The following PTPRN2 variants were observed in gnomAD, a reference collection of about 807,000 sequenced individuals.
PTPRN2 encodes the protein receptor-type tyrosine-protein phosphatase N2.
PTPRN2 carries 74 observed loss-of-function variants against 118.8 expected under a neutral mutation model. The ratio of observed to expected loss-of-function variants is 0.62; its 90% CI spans 0.52 to 0.76. The LOEUF is 0.76. Among genes scored for constraint, PTPRN2 ranks in the 30% least tolerant of loss-of-function variants. The pLI is 0.00. For missense variants in PTPRN2, 1,481 were observed against 1,394.4 expected, an observed-to-expected ratio of 1.06 and a Z score of -0.99; for synonymous variants, 641 against 608.0, an observed-to-expected ratio of 1.05 and a Z score of -0.80.
chr7:157,656,488 G>A lies in PTPRN2; in HGVS notation c.2065C>T (p.Arg689Cys), dbSNP rs770942637. The A allele has an allele frequency of 6.4e-6, 10 of 1,554,810 alleles. No individual in the cohort carries two copies. Among genetic ancestry groups the A allele is most frequent in the South Asian group, 2.4e-5 (2 of 84,844 alleles). ...AACTGGGATGAGACGCTGCTGATGC[G>A]TGACGTGTGCGGGCCCTCAGGTCGG... ...PDRPEGPHTS[R>C]ISSVSSQFSD... is the part of the protein sequence containing the mutation. Residue 689 changes from arginine to cysteine, a missense_variant, in exon 14 of 23, where the codon CGC (arginine) becomes TGC (cysteine). By Grantham distance (180) the Arg-to-Cys change is radical. Transcript: ENST00000389418.
In PTPRN2 at chr7:157,615,755, G is replaced by A. The variant is rs866922856; in HGVS notation, c.2344+5607C>T. 7.0e-5 allele frequency: 27 copies of A among 386,470 alleles called. No individual in the cohort carries two copies. The highest frequency in any genetic ancestry group is 5.2e-4 in the Admixed American group (18 of 34,934). The allele number at this position is 386,470 out of a possible 1,614,324, so 23.9% of individuals were successfully genotyped here. On this transcript the variant is annotated intron_variant, in intron 15 of 22. Coordinates refer to ENST00000389418, the MANE Select transcript of PTPRN2 (RefSeq NM_002847.5). The surrounding 1 kb of genome is among the most constrained non-coding windows in gnomAD (Gnocchi z 4.3). ...GAACCACAAGCTCTGGAGGCTGAAC[G>A]AGAATCGGTTACAGGAGATGAACAC...
At chr7:157,901,809 C>T (rs189242191) in intron 11 of PTPRN2, among the ~76,000 whole-genome samples, 7 of 100,486 alleles carry the variant, frequency 7.0e-5, no homozygotes, top group East Asian at 9.3e-4. Flanking sequence ...GGTCCTGAGG[C>T]GGGGCCTCCC....
chr7:157,677,472 C>A (rs1796724437), intron 13 of PTPRN2, among the ~76,000 whole-genome samples: 1 of 152,158 alleles, frequency 6.6e-6, no homozygotes, highest in East Asian at 1.9e-4. Context: ...CTCTCAGGAG[C>A]TGTATCTGAG....
rs1227271758 is a variant in PTPRN2 at position 157,974,407 on chromosome 7, T to C, written c.1724-75670A>G. Among the ~76,000 whole-genome samples, 2 of 152,190 alleles carry C rather than the reference T, an allele frequency of 1.3e-5. No homozygotes were observed. Among genetic ancestry groups the C allele is most frequent in the Admixed American group, 6.5e-5 (1 of 15,284 alleles). ...CCTGCCCTTGATTCCCTGTGGCACC[T>C]TGGGAGCATGGGGCTGCCCTACTGT... On this transcript the variant is annotated intron_variant, in intron 11 of 22. Transcript: ENST00000389418. This position sits in a 1 kb window ranked among gnomAD's most constrained non-coding sequence, Gnocchi z 4.0.
chr7:157,706,721 G>A (rs1798351285), intron 12 of PTPRN2, among the ~76,000 whole-genome samples: 2 of 151,632 alleles, frequency 1.3e-5, no homozygotes, highest in South Asian at 2.1e-4. Context: ...AGAATGCTGG[G>A]AATTGAGTGA....
chr7:158,530,192 C>G (rs1199834472), intron 1 of PTPRN2, among the ~76,000 whole-genome samples: 1 of 152,078 alleles, frequency 6.6e-6, no homozygotes, highest in Non-Finnish European at 1.5e-5. Context: ...CAAAGCCTGT[C>G]GATCCAAAAT....
intron 10 of PTPRN2, among the ~76,000 whole-genome samples, chr7:158,109,737 C>A (rs1816051831): frequency 6.6e-6 from 1 of 151,676 alleles, no homozygotes; most frequent in Admixed American, 6.6e-5. Flanking sequence ...TGTGATGAGT[C>A]ACTGAGTGAA....
At chr7:158,259,374 C>T (rs571299689) in intron 3 of PTPRN2, among the ~76,000 whole-genome samples, 21 of 152,244 alleles carry the variant, frequency 1.4e-4, no homozygotes, top group South Asian at 1.2e-3. Flanking sequence ...GCAGGGCAAG[C>T]GGCCTCTCAT....
At chr7:158,204,560 A>C (rs1347633203) in intron 4 of PTPRN2, among the ~76,000 whole-genome samples, 2 of 152,204 alleles carry the variant, frequency 1.3e-5, no homozygotes, top group African/African-American at 4.8e-5. Context: ...CATGAAAAAT[A>C]GCACAATGGC....
At chr7:158,149,813 A>AG (rs1296430723) in intron 6 of PTPRN2, among the ~76,000 whole-genome samples, 1 of 152,138 alleles carries the variant, frequency 6.6e-6, no homozygotes, top group Non-Finnish European at 1.5e-5. Flanking sequence ...CAAAAAAAAA[A>AG]AAAAGATAAA....
At chr7:157,699,105 C>T (rs577659051) in intron 12 of PTPRN2, among the ~76,000 whole-genome samples, 16 of 152,298 alleles carry the variant, frequency 1.1e-4, no homozygotes, top group South Asian at 2.1e-4. Context: ...AACTTTTCCT[C>T]GGGTTGCTTT....
intron 11 of PTPRN2, among the ~76,000 whole-genome samples, chr7:157,972,094 C>G (rs948660832): frequency 2.9e-4 from 44 of 152,194 alleles, no homozygotes; most frequent in African/African-American, 1.1e-3. Flanking sequence ...CAGAATTTTT[C>G]TCCCCAATGA....
chr7:157,719,058 C>T (rs1199670649), intron 12 of PTPRN2, among the ~76,000 whole-genome samples: 2 of 152,184 alleles, frequency 1.3e-5, no homozygotes, highest in Non-Finnish European at 2.9e-5. Flanking sequence ...TCCCCAGGAG[C>T]GTGTTCCCCA....
chr7:158,126,743 G>C (rs1308062230), intron 9 of PTPRN2, among the ~76,000 whole-genome samples: 3 of 152,190 alleles, frequency 2.0e-5, no homozygotes, highest in African/African-American at 7.2e-5. Context: ...GCACTCGGTG[G>C]GTTTCACATT....
intron 11 of PTPRN2, among the ~76,000 whole-genome samples, chr7:157,914,100 C>G (rs1798244186): frequency 6.6e-6 from 1 of 152,166 alleles, no homozygotes; most frequent in South Asian, 2.1e-4. Flanking sequence ...TATGCCAAAG[C>G]ATCTATATTA....
chr7:158,324,516 C>T (rs1160110653), intron 2 of PTPRN2, among the ~76,000 whole-genome samples: 1 of 151,698 alleles, frequency 6.6e-6, no homozygotes, highest in Non-Finnish European at 1.5e-5. Context: ...GTGGTGGGGG[C>T]ACCCTAGGAG....
intron 2 of PTPRN2, among the ~76,000 whole-genome samples, chr7:158,387,328 G>A (rs1811478512): frequency 1.3e-5 from 2 of 152,220 alleles, no homozygotes; most frequent in Non-Finnish European, 2.9e-5. Context: ...AATAGGTCAG[G>A]GAGGGCTCAT....
At chr7:157,649,392 A>T in intron 14 of PTPRN2, among the ~76,000 whole-genome samples, 1 of 121,014 alleles carries the variant, frequency 8.3e-6, no homozygotes, top group Non-Finnish European at 1.8e-5. Flanking sequence ...GGACCCATCC[A>T]GCGTGCACTG....
chr7:158,127,452 C>A (rs975063562), intron 9 of PTPRN2, among the ~76,000 whole-genome samples: 1 of 152,136 alleles, frequency 6.6e-6, no homozygotes, highest in Non-Finnish European at 1.5e-5. Flanking sequence ...AGCACAGGGG[C>A]GTTTGCCACA....
Sources: allele counts gnomAD v4.1 joint callset (sites outside exome capture counted in the v4.1 genomes callset), GRCh38; gene constraint gnomAD v4.1.1; non-coding constraint Gnocchi (gnomAD v3.1); transcripts MANE v1.5; gene names NCBI Gene and HGNC (gene_info 2026-07-23, HGNC 2026-07-21).